The following USP50 variants were observed in gnomAD, a reference collection of about 807,000 sequenced individuals.
USP50 encodes the protein ubiquitin specific peptidase 50, also known as ubiquitin carboxyl-terminal hydrolase 50.
A neutral mutation model predicts 39.2 loss-of-function variants in USP50; 37 were observed. The ratio of observed to expected loss-of-function variants is 0.94; its 90% confidence interval spans 0.73 to 1.24. The LOEUF (loss-of-function observed/expected upper bound fraction) is 1.24. Among genes scored for constraint, USP50 ranks in the 50% most tolerant of loss-of-function variants. The pLI, the probability that USP50 is intolerant of heterozygous loss-of-function variation, is 0.00. For missense variants in USP50, 374 were observed against 398.2 expected, an observed-to-expected ratio of 0.94 and a Z score of 0.52; for synonymous variants, 139 against 144.5, an observed-to-expected ratio of 0.96 and a Z score of 0.27.
At chr15:50,539,579 C>G (rs558701828) in intron 4 of USP50, among the ~76,000 whole-genome samples, 63 of 152,186 alleles carry the variant, frequency 4.1e-4, no homozygotes, top group African/African-American at 1.4e-3. Context: ...CCACACCCAG[C>G]TAATTTCTGT....
chr15:50,538,683 G>A, intron 5 of USP50, 26 bp downstream of exon 5: 1 of 1,545,076 alleles, frequency 6.5e-7, no homozygotes, highest in Non-Finnish European at 8.7e-7. Flanking sequence ...GAAAATATGT[G>A]CCCACAAAAA....
At position 50,538,789 on chromosome 15, in the gene USP50, G is replaced by A. The variant is rs748797763; in HGVS notation, c.723C>T (p.Ser241=). ...CAGTTTCTTGCTTGGTTTCACAAAA[G>A]GAGCAGTGAATTTCGTTGTTCCAGG... is the stretch of plus-strand genomic sequence containing the variant. ...ALTWNNEIHC[S]FCETKQETAV... is the part of the protein sequence containing the mutation. The change falls in exon 5 of 7, where the codon TCC becomes TCT. Residue 241 remains serine, a synonymous_variant. Coordinates refer to ENST00000532404, the MANE Select transcript of USP50 (RefSeq NM_203494.5). 5 of 1,613,666 alleles carry A rather than the reference G, an allele frequency of 3.1e-6. No homozygotes were observed. The South Asian group carries it at 4.4e-5, about 14-fold the overall frequency.
chr15:50,493,060 T>C, downstream of USP50: 1 of 873,282 alleles, frequency 1.1e-6, no homozygotes, highest in Admixed American at 2.0e-5. Flanking sequence ...TTTCTCTTAG[T>C]TCTTGACTGG....
Position 50,544,619 on chromosome 15 carries a change from A to G in USP50, c.216T>C (p.Phe72=). Residue 72 remains phenylalanine (F), a synonymous_variant, in exon 2 of 7, where the codon TTT becomes TTC. Coordinates refer to ENST00000532404, the MANE Select transcript of USP50 (RefSeq NM_203494.5). ...LCSILPLVEY[F]LTGKYITALQ... is the part of the protein sequence containing the mutation. Reference sequence around the variant, plus strand: ...GAGCGGTGATATACTTCCCGGTGAGAAAGTATTCCACCAGCGGCAAGATGC... The same window carrying G: ...GAGCGGTGATATACTTCCCGGTGAGGAAGTATTCCACCAGCGGCAAGATGC... The G allele has an allele frequency of 6.2e-7, 1 of 1,613,712 alleles. No individual in the cohort carries two copies. The highest frequency in any genetic ancestry group is 8.5e-7 in the Non-Finnish European group (1 of 1,179,798).
intron 5 of USP50, among the ~76,000 whole-genome samples, chr15:50,533,085 C>T (rs1013047807): frequency 6.6e-6 from 1 of 151,220 alleles, no homozygotes; most frequent in African/African-American, 2.4e-5. Context: ...GTGGGAGAAT[C>T]GCTTGAGCCC....
At chr15:50,529,399 T>A (rs2052922964) in intron 6 of USP50, among the ~76,000 whole-genome samples, 1 of 150,962 alleles carries the variant, frequency 6.6e-6, no homozygotes, top group African/African-American at 2.4e-5. Context: ...TCTCAGCTAC[T>A]TGGGGAGGAT....
Position 50,541,092 on chromosome 15 carries a change from A to G in USP50, c.617T>C (p.Val206Ala). 6.2e-7 allele frequency: 1 copy of G among 1,613,984 alleles called. No individual in the cohort carries two copies. The highest frequency in any genetic ancestry group is 8.5e-7 in the Non-Finnish European group (1 of 1,179,882). Residue 206 changes from valine (V) to alanine (A), a missense_variant, in exon 4 of 7, where the codon GTC (valine) becomes GCC (alanine). By Grantham distance (64) the Val-to-Ala change is moderately conservative (BLOSUM62 0). Transcript: ENST00000532404. Reference sequence around the variant, plus strand: ...TTTGGATGGAATGGGGAGTGAGAAGACAGTGAAGACTTCGTTCTTGTAGGT... The same window carrying G: ...TTTGGATGGAATGGGGAGTGAGAAGGCAGTGAAGACTTCGTTCTTGTAGGT... ...KCTYKNEVFT[V>A]FSLPIPSKYE... is the part of the protein sequence containing the mutation.
At chr15:50,530,201 G>C (rs1307455198) in intron 5 of USP50, among the ~76,000 whole-genome samples, 1 of 152,108 alleles carries the variant, frequency 6.6e-6, no homozygotes, top group Non-Finnish European at 1.5e-5. Context: ...AGGATCACCT[G>C]AGCATAGGGA....
chr15:50,493,635 C>T, downstream of USP50: 1 of 387,186 alleles, frequency 2.6e-6, no homozygotes, highest in Non-Finnish European at 5.0e-6. Context: ...GTCCCTGCTA[C>T]TTGGGAGGCT....
intron 6 of USP50, chr15:50,501,388 C>G: frequency 6.6e-6 from 1 of 151,746 alleles, no homozygotes; most frequent in South Asian, 2.1e-4. Flanking sequence ...GTGGGAGGAT[C>G]TCTCGAGCCT....
At chr15:50,513,629 A>G (rs1299613790) in intron 6 of USP50, 2 of 152,152 alleles carry the variant, frequency 1.3e-5, no homozygotes, top group Non-Finnish European at 2.9e-5. Context: ...GGCAGGCCAC[A>G]GAATAGGAAA....
intron 6 of USP50, among the ~76,000 whole-genome samples, chr15:50,526,661 C>G (rs2052900739): frequency 6.6e-6 from 1 of 152,192 alleles, no homozygotes; most frequent in African/African-American, 2.4e-5. Context: ...AATGGGAAGA[C>G]ACTACAAGGA....
chr15:50,500,966 G>T (rs748253446), intron 6 of USP50, 129 bp from the exon 7 acceptor site: 6 of 810,542 alleles, frequency 7.4e-6, no homozygotes, highest in Non-Finnish European at 1.2e-5. Flanking sequence ...TGATAATTTT[G>T]TTGTTAAATC....
chr15:50,520,549 C>T (rs1280493075), intron 6 of USP50, among the ~76,000 whole-genome samples: 1 of 151,988 alleles, frequency 6.6e-6, no homozygotes, highest in Non-Finnish European at 1.5e-5. Context: ...ATCTGCCTGC[C>T]TTGGCCTCAC....
intron 6 of USP50, among the ~76,000 whole-genome samples, chr15:50,522,256 C>G (rs1305079442): frequency 6.6e-6 from 1 of 151,820 alleles, no homozygotes; most frequent in South Asian, 2.1e-4. Flanking sequence ...GAGACCCCAT[C>G]TCTACAAAAG....
downstream of USP50, chr15:50,498,570 T>C (rs571546377): frequency 1.1e-5 from 17 of 1,587,370 alleles, no homozygotes; most frequent in African/African-American, 2.3e-4. Flanking sequence ...CCTCTGTCAG[T>C]GTAATTGTAA....
intron 6 of USP50, chr15:50,508,930 T>G (rs939514997): frequency 1.3e-5 from 2 of 151,164 alleles, no homozygotes; most frequent in African/African-American, 4.9e-5. Context: ...GTCAGGAGAT[T>G]GAGACCATCC....
At chr15:50,503,344 TAAC>T (rs1268027340) in intron 6 of USP50, 1 of 152,340 alleles carries the variant, frequency 6.6e-6, no homozygotes, top group Non-Finnish European at 1.5e-5. Flanking sequence ...ACAGGAAATT[TAAC>T]AACAGTATGG....
At chr15:50,515,905 TGATA>T (rs935224658) in intron 6 of USP50, among the ~76,000 whole-genome samples, 6 of 152,100 alleles carry the variant, frequency 3.9e-5, no homozygotes, top group Admixed American at 6.6e-5. Context: ...ACAGGAGAAA[TGATA>T]GATACTTACA....
Sources: gnomAD v4.1 joint callset for allele counts (sites outside exome capture counted in the v4.1 genomes callset) on GRCh38, gnomAD v4.1.1 for gene constraint, MANE v1.5 for transcripts, NCBI Gene and HGNC (gene_info 2026-07-23, HGNC 2026-07-21) for gene names.